The following BLTP3B variants were observed in gnomAD, a reference collection of about 807,000 sequenced individuals.
The protein encoded by BLTP3B is UHRF1 (ICBP90) binding protein 1-like.
the BLTP3B span, among the ~76,000 whole-genome samples, chr12:100,138,867 A>T: frequency 2.2e-5 from 2 of 90,818 alleles, no homozygotes. Flanking sequence ...ACATACACAT[A>T]CACACACACA....
chr12:100,070,199 G>T, the BLTP3B span: 1 of 1,553,912 alleles, frequency 6.4e-7, no homozygotes, highest in Non-Finnish European at 8.7e-7. Context: ...AACACACACA[G>T]ATAAACAAAA....
chr12:100,114,481 A>G, the BLTP3B span, among the ~76,000 whole-genome samples: 1,801 of 152,314 alleles, frequency 0.012, 38 homozygotes, highest in African/African-American at 0.041. Context: ...AGTAATTGAC[A>G]TCACTAGCTA....
chr12:100,060,472 C>A, the BLTP3B span, among the ~76,000 whole-genome samples: 8 of 152,138 alleles, frequency 5.3e-5, no homozygotes, highest in Non-Finnish European at 1.2e-4. Context: ...GTAGACTTTA[C>A]AACCTGAATC....
the BLTP3B span, chr12:100,047,913 A>G: frequency 7.1e-7 from 1 of 1,417,238 alleles, no homozygotes; most frequent in Non-Finnish European, 9.3e-7. Flanking sequence ...GAAAAGGAAC[A>G]TGAAAATATA....
chr12:100,064,157 A>G, the BLTP3B span, among the ~76,000 whole-genome samples: 1 of 152,204 alleles, frequency 6.6e-6, no homozygotes. Flanking sequence ...AAGTCTCAGC[A>G]ATAGAATTGA....
the BLTP3B span, chr12:100,058,169 A>G: frequency 6.2e-7 from 1 of 1,613,350 alleles, no homozygotes; most frequent in Non-Finnish European, 8.5e-7. Context: ...TTCCTTTACT[A>G]GTTAAAGTAC....
chr12:100,072,767 C>A, the BLTP3B span: 3 of 1,605,366 alleles, frequency 1.9e-6, no homozygotes, highest in East Asian at 6.7e-5. Flanking sequence ...TTTATTGCAG[C>A]AAATCATGCT....
chr12:100,048,611 A>T, the BLTP3B span, among the ~76,000 whole-genome samples: 1 of 152,100 alleles, frequency 6.6e-6, no homozygotes, highest in Admixed American at 6.6e-5. Context: ...CTTCCTCATT[A>T]AATTGGGTCC....
the BLTP3B span, chr12:100,051,757 T>A: frequency 6.6e-6 from 1 of 152,150 alleles, no homozygotes; most frequent in Non-Finnish European, 1.5e-5. Context: ...AAATAATATT[T>A]CCACTAAAGT....
the BLTP3B span, chr12:100,057,937 G>A: frequency 3.5e-6 from 5 of 1,420,822 alleles, no homozygotes; most frequent in South Asian, 2.9e-5. Flanking sequence ...ATTTTGTCAT[G>A]AGCTTTTCTG....
the BLTP3B span, among the ~76,000 whole-genome samples, chr12:100,055,449 G>A: frequency 6.6e-6 from 1 of 151,960 alleles, no homozygotes. Context: ...GGCTGAGATG[G>A]GAGGATCACC....
the BLTP3B span, among the ~76,000 whole-genome samples, chr12:100,133,031 C>T: frequency 5.6e-4 from 85 of 152,204 alleles, no homozygotes; most frequent in Admixed American, 8.5e-4. Context: ...ATCACGAGGT[C>T]AGGAGATGGA....
At chr12:100,123,960 T>C in the BLTP3B span, among the ~76,000 whole-genome samples, 1 of 152,194 alleles carries the variant, frequency 6.6e-6, no homozygotes, top group Non-Finnish European at 1.5e-5. Context: ...AAAATCTCAA[T>C]TTGTTGTTAA....
At chr12:100,106,544 G>A in the BLTP3B span, among the ~76,000 whole-genome samples, 4 of 152,156 alleles carry the variant, frequency 2.6e-5, no homozygotes, top group African/African-American at 9.7e-5. Context: ...AGTGTGAGGT[G>A]AACTATGGGT....
chr12:100,092,269 C>T, the BLTP3B span, among the ~76,000 whole-genome samples: 27 of 152,152 alleles, frequency 1.8e-4, no homozygotes, highest in African/African-American at 5.1e-4. Context: ...GTCTTGGGAC[C>T]TGAAACAATC....
At chr12:100,138,015 A>T in the BLTP3B span, among the ~76,000 whole-genome samples, 2 of 152,218 alleles carry the variant, frequency 1.3e-5, no homozygotes, top group African/African-American at 4.8e-5. Context: ...GGAATTATGG[A>T]AGATAGGCCA....
At chr12:100,135,728 T>C in the BLTP3B span, among the ~76,000 whole-genome samples, 1 of 152,228 alleles carries the variant, frequency 6.6e-6, no homozygotes, top group Non-Finnish European at 1.5e-5. Flanking sequence ...CACCTATTTA[T>C]GTACTTACTA....
At chr12:100,037,744 C>G in the BLTP3B span, 3 of 1,599,046 alleles carry the variant, frequency 1.9e-6, no homozygotes, top group Non-Finnish European at 2.5e-6. Context: ...GAGATTCATT[C>G]TCTTCCATGA....
chr12:100,059,951 A>C, the BLTP3B span: 1 of 1,613,146 alleles, frequency 6.2e-7, no homozygotes, highest in Non-Finnish European at 8.5e-7. Flanking sequence ...CTCTGTTTTA[A>C]ATCCAACAGA....
Sources: allele counts gnomAD v4.1 joint callset (sites outside exome capture counted in the v4.1 genomes callset), GRCh38; gene constraint gnomAD v4.1.1; transcripts MANE v1.5; gene names NCBI Gene and HGNC (gene_info 2026-07-23, HGNC 2026-07-21).